ABR: variants seen among roughly 807,000 people sequenced by gnomAD.
ABR encodes active breakpoint cluster region-related protein.
A neutral mutation model predicts 107.2 loss-of-function variants in ABR; 35 were observed. That is an observed-to-expected ratio of 0.33 (90% CI 0.25 to 0.43). The LOEUF (loss-of-function observed/expected upper bound fraction) is 0.43, where lower values mean the gene tolerates loss of function less well. ABR is among the 20% of genes least tolerant of loss of function. The pLI is 1.00. For missense variants in ABR, 815 were observed against 1,115.2 expected (o/e 0.73, Z 3.83); for synonymous variants, 498 against 462.0 (o/e 1.08, Z -1.00).
At chr17:1,159,051 A>C (rs1218275775) in intron 1 of ABR, among the ~76,000 whole-genome samples, 1 of 152,268 alleles carries the variant, frequency 6.6e-6, no homozygotes, top group East Asian at 1.9e-4. Context: ...GGTGAAGCCA[A>C]GGGACCTTTC....
At chr17:1,023,271 TGAG>T (rs1371503421) in intron 16 of ABR, among the ~76,000 whole-genome samples, 1 of 152,184 alleles carries the variant, frequency 6.6e-6, no homozygotes, top group Non-Finnish European at 1.5e-5. Context: ...TGGCTGACCT[TGAG>T]GAGAAGCAGA....
At chr17:1,054,837 G>A (rs572300420) in intron 14 of ABR, among the ~76,000 whole-genome samples, 137 of 152,162 alleles carry the variant, frequency 9.0e-4, no homozygotes, top group Non-Finnish European at 1.6e-3. Context: ...TGCTCTAACG[G>A]CCCGGGGAGT....
chr17:1,054,344 T>A (rs1192603443), intron 14 of ABR, among the ~76,000 whole-genome samples: 1 of 152,124 alleles, frequency 6.6e-6, no homozygotes, highest in Non-Finnish European at 1.5e-5. Flanking sequence ...CATCCCAGGG[T>A]AAAGGAGACC....
chr17:1,093,235 G>A (rs557254593), intron 3 of ABR, among the ~76,000 whole-genome samples: 200 of 152,106 alleles, frequency 1.3e-3, no homozygotes, highest in African/African-American at 4.2e-3. Flanking sequence ...TTGGGAGGCC[G>A]AGGCAGGTAG....
chr17:1,045,023 T>C (rs1052263212), intron 16 of ABR, among the ~76,000 whole-genome samples: 2 of 152,128 alleles, frequency 1.3e-5, no homozygotes, highest in Non-Finnish European at 2.9e-5. Flanking sequence ...TAATAATCCA[T>C]GAAAACAGAA....
In ABR at chr17:1,027,544, AG is replaced by A. The variant is rs542172686; in HGVS notation, c.1792-14381del. Among the ~76,000 whole-genome samples, 69 of 152,312 alleles carry A rather than the reference AG, an allele frequency of 4.5e-4. No individual in the cohort carries two copies. The highest frequency in any genetic ancestry group is 1.3e-3 in the African/African-American group (54 of 41,576). On this transcript the variant is annotated intron_variant, in intron 16 of 22. Transcript: ENST00000302538. The surrounding 1 kb of genome is among the most constrained non-coding windows in gnomAD (Gnocchi z 4.7). ...CAGAGAGTACTCATGAGGCCCCAGCAGTGAGGTCTGCCCACTCGGCAGGTGG... is the reference window on the plus strand; with the variant it reads ...CAGAGAGTACTCATGAGGCCCCAGCATGAGGTCTGCCCACTCGGCAGGTGG...
intron 12 of ABR, among the ~76,000 whole-genome samples, chr17:1,057,496 G>A (rs1447645786): frequency 1.3e-5 from 2 of 152,000 alleles, no homozygotes; most frequent in African/African-American, 4.8e-5. Context: ...TCCTGCTTCA[G>A]CCTCCTGAGT....
intron 16 of ABR, among the ~76,000 whole-genome samples, chr17:1,049,824 A>AGAAGC (rs1477128980): frequency 6.6e-6 from 1 of 152,222 alleles, no homozygotes; most frequent in Admixed American, 6.5e-5. Flanking sequence ...TCCATCTTGC[A>AGAAGC]GAAGCGCAGA....
At chr17:1,192,788 C>A (rs563841647) in intron 1 of ABR, among the ~76,000 whole-genome samples, 1 of 152,278 alleles carries the variant, frequency 6.6e-6, no homozygotes, top group Non-Finnish European at 1.5e-5. Flanking sequence ...GTGGAAGGCA[C>A]CTATAATCCC....
chr17:1,012,150 C>T, intron 18 of ABR, 165 bp from the exon 19 acceptor site: 2 of 1,138,408 alleles, frequency 1.8e-6, no homozygotes, highest in Non-Finnish European at 2.6e-6. Context: ...CACCCCACCC[C>T]AGCCAGCCCA....
intron 2 of ABR, among the ~76,000 whole-genome samples, chr17:1,121,478 C>T (rs1161729849): frequency 6.6e-6 from 1 of 152,234 alleles, no homozygotes; most frequent in Non-Finnish European, 1.5e-5. Flanking sequence ...ATGCTGCAGG[C>T]CTCCCCTCAT....
chr17:1,229,211 C>T (rs1304326217), exon 1 of ABR, among the ~76,000 whole-genome samples: 2 of 151,562 alleles, frequency 1.3e-5, no homozygotes, highest in Non-Finnish European at 2.9e-5. Context: ...CCCCGAGGGG[C>T]GCGTCGTCCT....
rs1283482616 is a variant in ABR, at chr17:1,195,078, C to T, written c.838+33715G>A. 4.6e-4 allele frequency among the ~76,000 whole-genome samples: 66 copies of T among 144,724 alleles called. No individual in the cohort carries two copies. The East Asian group carries it at 0.012, about 26-fold the overall frequency. 94.9% of individuals were successfully genotyped at this position (144,724 alleles called of 152,430 possible). A position where few individuals can be genotyped will look rare whatever the true frequency, so the allele number is the denominator to read the frequency against. Reference sequence around the variant, plus strand: ...ATCCCAGCACTTTGGGAGGCCGAGGCGGGCGGATCACGAGGTCAGGAGATC... The same window carrying T: ...ATCCCAGCACTTTGGGAGGCCGAGGTGGGCGGATCACGAGGTCAGGAGATC... On this transcript the variant is annotated intron_variant, in intron 1 of 22. Transcript: ENST00000574139.
chr17:1,196,167 C>T (rs548203303), intron 1 of ABR, among the ~76,000 whole-genome samples: 4 of 148,982 alleles, frequency 2.7e-5, no homozygotes, highest in East Asian at 2.0e-4. Flanking sequence ...CGGTGGCTCA[C>T]GCCTATAATC....
intron 1 of ABR, among the ~76,000 whole-genome samples, chr17:1,172,957 C>CGA (rs1471187082): frequency 9.1e-6 from 1 of 110,280 alleles, no homozygotes; most frequent in African/African-American, 3.0e-5. Flanking sequence ...TCCACCCCCC[C>CGA]CATCACCTCA....
Position 1,006,134 on chromosome 17 carries a change from G to A in ABR, c.2526C>T (p.Pro842=), listed in dbSNP as rs780437158. 8.2e-6 allele frequency: 13 copies of A among 1,586,416 alleles called. No homozygotes were observed. The highest frequency in any genetic ancestry group is 1.1e-5 in the Non-Finnish European group (13 of 1,165,962). The change falls in exon 23 of 23, where the codon CCC becomes CCT. Residue 842 remains proline (P), a synonymous_variant. Transcript: ENST00000302538. ...TCCGCTTGAGTTCTGCGAAGGAAAT[G>A]GGGGGGTGCTGCAGGTAGTAGAGGA... is the stretch of plus-strand genomic sequence containing the variant. ...QVLLYYLQHP[P]ISFAELKRNT...
chr17:1,168,393 A>C (rs2041594110), intron 1 of ABR, among the ~76,000 whole-genome samples: 1 of 152,234 alleles, frequency 6.6e-6, no homozygotes, highest in South Asian at 2.1e-4. Flanking sequence ...CCAGTGCTCG[A>C]ATCAGGCCTG....
At chr17:1,009,473 C>G (rs2070345103) in intron 21 of ABR, among the ~76,000 whole-genome samples, 1 of 152,188 alleles carries the variant, frequency 6.6e-6, no homozygotes, top group African/African-American at 2.4e-5. Context: ...AACATGAGTG[C>G]AAGAACTTGG....
rs1414236516 is a variant in ABR, at chr17:1,013,153, T to G, written c.1803A>C (p.Gln601His). The change falls in exon 17 of 23, where the codon CAA becomes CAC. Residue 601 changes from glutamine (Q) to histidine (H), a missense_variant. Gln to His is a conservative substitution (Grantham distance 24, BLOSUM62 0). Transcript: ENST00000302538. ...TGTGCCAGTTCTTGGTCTCCACGGT[T>G]TGTGGGTCCAGCTGCAGAGAGAGAA... The part of the protein sequence containing the change: ...MGKGQIQLDP[Q>H]TVETKNWHTD... 3 of 1,613,980 alleles carry G rather than the reference T, an allele frequency of 1.9e-6. No homozygotes were observed. Among genetic ancestry groups the G allele is most frequent in the African/African-American group, 2.7e-5 (2 of 74,928 alleles).
Sources: gnomAD v4.1 joint callset for allele counts (sites outside exome capture counted in the v4.1 genomes callset) on GRCh38, gnomAD v4.1.1 for gene constraint, Gnocchi (gnomAD v3.1) non-coding constraint, MANE v1.5 for transcripts, NCBI Gene and HGNC (gene_info 2026-07-23, HGNC 2026-07-21) for gene names.